The following ATRNL1 variants were observed in gnomAD, a reference collection of about 807,000 sequenced individuals.
The protein encoded by ATRNL1 is attractin like 1.
Under a neutral mutation model 182.7 loss-of-function variants are expected in ATRNL1, and 95 were observed. The observed-to-expected ratio is 0.52, with a 90% CI of 0.44 to 0.62. The LOEUF (loss-of-function observed/expected upper bound fraction) is 0.62, where lower values mean the gene tolerates loss of function less well. ATRNL1 is among the 20% of genes least tolerant of loss of function. The pLI is 0.00. For synonymous variants in ATRNL1, 576 were observed against 568.3 expected, an observed-to-expected ratio of 1.01 and a Z score of -0.19; for missense variants, 1,471 against 1,679.5, an observed-to-expected ratio of 0.88 and a Z score of 2.17.
At chr10:115,149,960 C>A (rs11528271) in intron 5 of ATRNL1, among the ~76,000 whole-genome samples, 5 of 151,456 alleles carry the variant, frequency 3.3e-5, no homozygotes, top group African/African-American at 1.2e-4. Flanking sequence ...GCCGTGAAGC[C>A]GTCCTGTCCT....
intron 26 of ATRNL1, among the ~76,000 whole-genome samples, chr10:115,589,361 C>G (rs556246814): frequency 3.9e-5 from 6 of 152,232 alleles, no homozygotes; most frequent in African/African-American, 1.4e-4. Flanking sequence ...CTTCCTATAT[C>G]AGTATGGAAA....
At chr10:115,425,007 T>C (rs1176221516) in intron 20 of ATRNL1, among the ~76,000 whole-genome samples, 1 of 152,138 alleles carries the variant, frequency 6.6e-6, no homozygotes, top group Non-Finnish European at 1.5e-5. Flanking sequence ...AGTCCTTTTC[T>C]TCCAAGTTAG....
intron 18 of ATRNL1, among the ~76,000 whole-genome samples, chr10:115,319,754 C>T (rs1424579163): frequency 1.3e-5 from 2 of 150,736 alleles, no homozygotes; most frequent in African/African-American, 4.9e-5. Context: ...GTAAATTTTC[C>T]TCCATCTCTT....
chr10:115,175,055 A>G (rs1307976905), intron 8 of ATRNL1, among the ~76,000 whole-genome samples: 4 of 151,912 alleles, frequency 2.6e-5, no homozygotes, highest in Non-Finnish European at 4.4e-5. Flanking sequence ...ACTTTCAATG[A>G]TCTTGACTTT....
intron 28 of ATRNL1, among the ~76,000 whole-genome samples, chr10:115,884,127 A>G (rs1555109243): frequency 6.6e-6 from 1 of 152,194 alleles, no homozygotes; most frequent in Non-Finnish European, 1.5e-5. Context: ...TTACCTTTAC[A>G]TGGCTGTTTT....
intron 18 of ATRNL1, among the ~76,000 whole-genome samples, chr10:115,329,198 G>A (rs1855075091): frequency 6.6e-6 from 1 of 151,900 alleles, no homozygotes; most frequent in African/African-American, 2.4e-5. Flanking sequence ...TATTTGTATA[G>A]TGTTTGAAGT....
intron 27 of ATRNL1, among the ~76,000 whole-genome samples, chr10:115,754,109 C>G (rs1234478011): frequency 6.6e-6 from 1 of 152,066 alleles, no homozygotes; most frequent in Non-Finnish European, 1.5e-5. Flanking sequence ...AAATTTTCTC[C>G]CATTCTGTAG....
chr10:115,664,896 C>G (rs527568628), intron 26 of ATRNL1, among the ~76,000 whole-genome samples: 8 of 152,216 alleles, frequency 5.3e-5, no homozygotes, highest in African/African-American at 1.7e-4. Flanking sequence ...TCAAGCTATT[C>G]CACTTCTTAA....
intron 10 of ATRNL1, among the ~76,000 whole-genome samples, chr10:115,264,150 G>T (rs186191667): frequency 1.3e-3 from 196 of 151,420 alleles, no homozygotes; most frequent in Admixed American, 3.7e-3. Flanking sequence ...TGTTACGTAT[G>T]TATACATGTG....
intron 21 of ATRNL1, among the ~76,000 whole-genome samples, chr10:115,450,698 C>T (rs1238651115): frequency 6.6e-6 from 1 of 152,150 alleles, no homozygotes; most frequent in African/African-American, 2.4e-5. Context: ...TGCTATACTG[C>T]CCAAAGCAAT....
intron 19 of ATRNL1, among the ~76,000 whole-genome samples, chr10:115,366,573 G>T (rs1483309244): frequency 6.7e-6 from 1 of 150,256 alleles, no homozygotes. Flanking sequence ...GATGTTAGCT[G>T]GTGATTTTGC....
intron 18 of ATRNL1, among the ~76,000 whole-genome samples, chr10:115,330,591 A>G (rs1352731702): frequency 6.7e-6 from 1 of 149,758 alleles, no homozygotes; most frequent in Admixed American, 6.7e-5. Flanking sequence ...TGAATATGTC[A>G]TCCCGCTCTC....
chr10:115,162,405 A>C (rs1421285266), intron 6 of ATRNL1, among the ~76,000 whole-genome samples: 1 of 151,956 alleles, frequency 6.6e-6, no homozygotes, highest in African/African-American at 2.4e-5. Context: ...CAGATCAAAG[A>C]CTTAAGATAG....
intron 26 of ATRNL1, among the ~76,000 whole-genome samples, chr10:115,561,098 C>T (rs1853678341): frequency 6.6e-6 from 1 of 151,980 alleles, no homozygotes; most frequent in African/African-American, 2.4e-5. Flanking sequence ...TCAGAATCTT[C>T]TTAGACATGA....
intron 26 of ATRNL1, among the ~76,000 whole-genome samples, chr10:115,717,666 C>T (rs1947299490): frequency 6.7e-6 from 1 of 149,002 alleles, no homozygotes; most frequent in African/African-American, 2.4e-5. Flanking sequence ...ATTGTCCTCC[C>T]TCAGCCTCCT....
At chr10:115,510,427 C>G (rs1197247813) in intron 24 of ATRNL1, among the ~76,000 whole-genome samples, 1 of 152,022 alleles carries the variant, frequency 6.6e-6, no homozygotes, top group Admixed American at 6.6e-5. Context: ...CCTCAGGAAC[C>G]ATTACCCTGA....
At position 115,660,104 on chromosome 10, in the gene ATRNL1, CTGTA is replaced by C. The variant is rs566443296; in HGVS notation, c.3796-67137_3796-67134del. 7.9e-5 allele frequency among the ~76,000 whole-genome samples: 12 copies of C among 152,134 alleles called. No homozygotes were observed. The South Asian group carries it at 2.3e-3, about 29-fold the overall frequency. The stretch of plus-strand genomic sequence containing the variant: ...GAGAATAAGAATGGAGGGAGGGAGA[CTGTA>C]TGTATGGTCATGATAGGGGGACGAA... On this transcript the variant is annotated intron_variant, in intron 26 of 28. Coordinates refer to ENST00000355044, the MANE Select transcript of ATRNL1 (RefSeq NM_207303.4).
chr10:115,408,536 A>T (rs1554958979), intron 20 of ATRNL1, among the ~76,000 whole-genome samples: 1 of 151,968 alleles, frequency 6.6e-6, no homozygotes, highest in African/African-American at 2.4e-5. Context: ...TACTCTGTTG[A>T]TTGTTTCCTT....
intron 27 of ATRNL1, among the ~76,000 whole-genome samples, chr10:115,838,713 C>T (rs1237590424): frequency 7.2e-5 from 11 of 151,962 alleles, no homozygotes; most frequent in Admixed American, 6.6e-4. Context: ...CATGGAACAT[C>T]GAGACAATAC....
Sources: allele counts gnomAD v4.1 joint callset (sites outside exome capture counted in the v4.1 genomes callset), GRCh38; gene constraint gnomAD v4.1.1; transcripts MANE v1.5; gene names NCBI Gene and HGNC (gene_info 2026-07-23, HGNC 2026-07-21).